Variants in KIF13A observed in about 807,000 individuals in gnomAD.
The protein encoded by KIF13A is kinesin family member 13A, also known as kinesin-like protein KIF13A.
A neutral mutation model predicts 212.2 loss-of-function variants in KIF13A; 79 were observed. That is an observed-to-expected ratio of 0.37 (90% CI 0.31 to 0.45). KIF13A has a LOEUF of 0.45. KIF13A is among the 20% of genes least tolerant of loss of function. The probability of loss-of-function intolerance (pLI) is 1.00; values close to 1 mark genes in which losing one functional copy is unlikely to be tolerated. For synonymous variants in KIF13A, 789 were observed against 808.6 expected (o/e 0.98, Z 0.41); for missense variants, 1,901 against 2,209.0 (o/e 0.86, Z 2.79).
At chr6:17,841,998 T>C (rs1475017739) in intron 9 of KIF13A, among the ~76,000 whole-genome samples, 1 of 118,118 alleles carries the variant, frequency 8.5e-6, no homozygotes, top group Non-Finnish European at 1.8e-5. Flanking sequence ...TATATACACA[T>C]ACGTGTGTGT....
intron 2 of KIF13A, among the ~76,000 whole-genome samples, chr6:17,903,650 T>C (rs1443287251): frequency 6.6e-6 from 1 of 151,994 alleles, no homozygotes; most frequent in Non-Finnish European, 1.5e-5. Context: ...GGGATGGGGA[T>C]GTGGTGGTCA....
chr6:17,759,951 C>G (rs868792635), downstream of KIF13A: 2 of 142,460 alleles, frequency 1.4e-5, no homozygotes, highest in South Asian at 2.4e-4. Flanking sequence ...CCCAGCTGGG[C>G]TGAGCCACGG....
rs1335661762 is a variant in KIF13A, at chr6:17,811,219, C to G, written c.2001-2289G>C. ...TAAGTCTCATCTTCCACTGAACAACCAACAAGCTTACTGTGCAGTCTGTCC... is the reference window on the plus strand; with the variant it reads ...TAAGTCTCATCTTCCACTGAACAACGAACAAGCTTACTGTGCAGTCTGTCC... On this transcript the variant is annotated intron_variant, in intron 17 of 38. Transcript: ENST00000259711. The surrounding 1 kb of genome is among the most constrained non-coding windows in gnomAD (Gnocchi z 6.0). Among the ~76,000 whole-genome samples the G allele has an allele frequency of 1.3e-5, 2 of 152,160 alleles. No individual in the cohort carries two copies. Among genetic ancestry groups the G allele is most frequent in the African/African-American group, 2.4e-5 (1 of 41,424 alleles).
chr6:17,783,695 T>C lies in KIF13A; in HGVS notation c.3495A>G (p.Pro1165=). The C allele has an allele frequency of 6.4e-7, 1 of 1,569,138 alleles. No homozygotes were observed. The highest frequency in any genetic ancestry group is 1.4e-5 in the African/African-American group (1 of 74,020). The change falls in exon 29 of 39, where the codon CCA becomes CCG. Residue 1165 remains proline (P), a synonymous_variant. Coordinates refer to ENST00000259711, the MANE Select transcript of KIF13A (RefSeq NM_022113.6). This position sits in a 1 kb window ranked among gnomAD's most constrained non-coding sequence, Gnocchi z 4.3. ...GTATGTGGGTTTCCATTCCAGGAGG[T>C]GGGATCCTAAATTTAATAACAACAT... The part of the protein sequence containing the change: ...GIPGAPADWI[P]PPGMETHIPV...
At chr6:17,933,240 T>A (rs1048546855) in intron 2 of KIF13A, among the ~76,000 whole-genome samples, 1 of 152,052 alleles carries the variant, frequency 6.6e-6, no homozygotes, top group East Asian at 1.9e-4. Flanking sequence ...ATAAAAGATG[T>A]ACTGGTTGGC....
At chr6:17,790,192 A>T (rs1054903633) in intron 25 of KIF13A, among the ~76,000 whole-genome samples, 2 of 152,204 alleles carry the variant, frequency 1.3e-5, no homozygotes, top group Non-Finnish European at 2.9e-5. Flanking sequence ...TCTTGAAGCT[A>T]GAAGTTTGAG....
intron 2 of KIF13A, among the ~76,000 whole-genome samples, chr6:17,925,744 A>C (rs2150527779): frequency 6.6e-6 from 1 of 152,346 alleles, no homozygotes; most frequent in East Asian, 1.9e-4. Flanking sequence ...TCTAATTAGC[A>C]GCAGTTATTC....
chr6:17,944,928 A>G (rs1026012732), intron 2 of KIF13A, among the ~76,000 whole-genome samples: 12 of 152,194 alleles, frequency 7.9e-5, no homozygotes, highest in African/African-American at 2.7e-4. Context: ...AGTATATACT[A>G]AAGTCGACAG....
At chr6:17,943,523 CA>C (rs541874112) in intron 2 of KIF13A, among the ~76,000 whole-genome samples, 4 of 151,292 alleles carry the variant, frequency 2.6e-5, no homozygotes, top group Non-Finnish European at 5.9e-5. Context: ...GCTGGGATTA[CA>C]GGTGTGAACC....
At chr6:17,905,946 T>C (rs904877675) in intron 2 of KIF13A, among the ~76,000 whole-genome samples, 3 of 152,194 alleles carry the variant, frequency 2.0e-5, no homozygotes, top group East Asian at 3.8e-4. Context: ...TTATATACTT[T>C]TCTATCAATA....
At chr6:17,903,509 A>T (rs1392302040) in intron 2 of KIF13A, among the ~76,000 whole-genome samples, 5 of 152,230 alleles carry the variant, frequency 3.3e-5, no homozygotes, top group Non-Finnish European at 7.3e-5. Flanking sequence ...TTAAAAATAT[A>T]CACAATTATC....
chr6:17,965,124 G>A lies in KIF13A; in HGVS notation c.146+21930C>T, dbSNP rs567765083. Among the ~76,000 whole-genome samples the A allele has an allele frequency of 4.6e-5, 7 of 152,184 alleles. No individual in the cohort carries two copies. In the South Asian group the frequency reaches 1.5e-3, roughly 32 times the overall value. The stretch of plus-strand genomic sequence containing the variant: ...AGATTAAGGCATGAGCCACTGCACC[G>A]GGCCAGGATTTTAAAAATCAAAGGA... On this transcript the variant is annotated intron_variant, in intron 2 of 38. Coordinates refer to ENST00000259711, the MANE Select transcript of KIF13A (RefSeq NM_022113.6).
At chr6:17,974,320 T>A (rs1344191670) in intron 2 of KIF13A, among the ~76,000 whole-genome samples, 2 of 152,150 alleles carry the variant, frequency 1.3e-5, no homozygotes, top group Non-Finnish European at 2.9e-5. Flanking sequence ...CCTCATGATC[T>A]GCCCACCTCG....
In KIF13A at chr6:17,845,312, C is replaced by T. The variant is rs75454232; in HGVS notation, c.830+4065G>A. Among the ~76,000 whole-genome samples, 1,257 of 152,200 alleles carry T rather than the reference C, an allele frequency of 8.3e-3. 15 individuals carry two copies. The highest frequency in any genetic ancestry group is 0.027 in the African/African-American group (1,123 of 41,520). The stretch of plus-strand genomic sequence containing the variant: ...GAGATTTTGGTGGGACACAGCCATA[C>T]CATATCACCAAGTCACATGAAATAC... On this transcript the variant is annotated intron_variant, in intron 9 of 38. Transcript: ENST00000259711.
chr6:17,902,615 T>C (rs1159033463), intron 2 of KIF13A, among the ~76,000 whole-genome samples: 1 of 152,166 alleles, frequency 6.6e-6, no homozygotes, highest in Non-Finnish European at 1.5e-5. Context: ...GGATCATACC[T>C]GCCCACTCTT....
intron 2 of KIF13A, among the ~76,000 whole-genome samples, chr6:17,903,253 T>C (rs1172140774): frequency 6.6e-6 from 1 of 152,220 alleles, no homozygotes; most frequent in Non-Finnish European, 1.5e-5. Context: ...CTAATATATG[T>C]TGTTACTCTC....
chr6:17,904,072 C>T (rs550369170), intron 2 of KIF13A, among the ~76,000 whole-genome samples: 9 of 150,676 alleles, frequency 6.0e-5, no homozygotes, highest in African/African-American at 2.0e-4. Context: ...CAGAAGGATC[C>T]CGTGAGCCCA....
rs912343173 is a variant in KIF13A at position 17,785,425 on chromosome 6, T to C, written c.3488+90A>G. 1.8e-5 allele frequency: 25 copies of C among 1,373,534 alleles called. No homozygotes were observed. The highest frequency in any genetic ancestry group is 3.2e-5 in the Admixed American group (1 of 30,896). The allele number at this position is 1,373,534 out of a possible 1,614,324, so 85.1% of individuals were successfully genotyped here. A position where few individuals can be genotyped will look rare whatever the true frequency, so the allele number is the denominator to read the frequency against. ...TAGTTCAGCTGGTTGGCATTTTCTG[T>C]GACAATCCTGGAAAGTCTCTTGCAT... On this transcript the variant is annotated intron_variant, in intron 28 of 38. Coordinates refer to ENST00000259711, the MANE Select transcript of KIF13A (RefSeq NM_022113.6). This position sits in a 1 kb window ranked among gnomAD's most constrained non-coding sequence, Gnocchi z 5.8.
intron 38 of KIF13A, among the ~76,000 whole-genome samples, chr6:17,766,448 G>C (rs1310954480): frequency 6.6e-6 from 1 of 152,062 alleles, no homozygotes; most frequent in Non-Finnish European, 1.5e-5. Flanking sequence ...ATGTTGGTCA[G>C]GCTTGTCTCA....
Sources: gnomAD v4.1 joint callset for allele counts (sites outside exome capture counted in the v4.1 genomes callset) on GRCh38, gnomAD v4.1.1 for gene constraint, Gnocchi (gnomAD v3.1) non-coding constraint, MANE v1.5 for transcripts, NCBI Gene and HGNC (gene_info 2026-07-23, HGNC 2026-07-21) for gene names.